The following NYAP2 variants were observed in gnomAD, a reference collection of about 807,000 sequenced individuals.
The protein encoded by NYAP2 is neuronal tyrosine-phosphorylated phosphoinositide-3-kinase adapter 2.
Under a neutral mutation model 50.4 loss-of-function variants are expected in NYAP2, and 23 were observed. That is an observed-to-expected ratio of 0.46 (90% CI 0.33 to 0.65). The LOEUF (loss-of-function observed/expected upper bound fraction) is 0.65, where lower values mean the gene tolerates loss of function less well. NYAP2 is among the 30% of genes least tolerant of loss of function. NYAP2 has a pLI of 0.02. For missense variants in NYAP2, 885 were observed against 861.0 expected, an observed-to-expected ratio of 1.03 and a Z score of -0.35; for synonymous variants, 394 against 365.2, an observed-to-expected ratio of 1.08 and a Z score of -0.90.
intron 4 of NYAP2, among the ~76,000 whole-genome samples, chr2:225,547,724 C>A (rs1205632855): frequency 6.6e-6 from 1 of 152,202 alleles, no homozygotes; most frequent in East Asian, 1.9e-4. Flanking sequence ...CACTGTCTTT[C>A]CCACCCTCTT....
At chr2:225,536,524 C>G (rs900566104) in intron 4 of NYAP2, among the ~76,000 whole-genome samples, 3 of 92,436 alleles carry the variant, frequency 3.2e-5, no homozygotes. Context: ...CTGTTGTTGC[C>G]TTGTTTTTTT....
intron 5 of NYAP2, among the ~76,000 whole-genome samples, chr2:225,622,551 TTCTTTCTTTTTC>T (rs763090480): frequency 0.11 from 4,188 of 37,948 alleles, 90 homozygotes; most frequent in African/African-American, 0.15. Flanking sequence ...CTTTCTTTCT[TTCTTTCTTTTTC>T]TTTCTTTCTT....
At chr2:225,566,562 G>A (rs1010106489) in intron 4 of NYAP2, among the ~76,000 whole-genome samples, 5 of 152,124 alleles carry the variant, frequency 3.3e-5, no homozygotes, top group South Asian at 2.1e-4. Context: ...GCTTTTATTG[G>A]GTGCTTAGCA....
At chr2:225,461,269 G>A (rs898441634) in intron 3 of NYAP2, among the ~76,000 whole-genome samples, 1 of 152,176 alleles carries the variant, frequency 6.6e-6, no homozygotes, top group Middle Eastern at 3.2e-3. Flanking sequence ...AACATATCAA[G>A]GCTTTTTCAC....
intron 3 of NYAP2, among the ~76,000 whole-genome samples, chr2:225,435,017 T>C (rs1329564669): frequency 6.6e-6 from 1 of 152,220 alleles, no homozygotes; most frequent in African/African-American, 2.4e-5. Context: ...CTGAAAAGTG[T>C]CCTGATATAT....
chr2:225,510,902 G>A (rs1311044337), intron 3 of NYAP2, among the ~76,000 whole-genome samples: 1 of 152,096 alleles, frequency 6.6e-6, no homozygotes, highest in African/African-American at 2.4e-5. Flanking sequence ...TAAATTGTCA[G>A]TCCGGGAAAA....
At chr2:225,567,578 CAAGA>C (rs1691982960) in intron 4 of NYAP2, among the ~76,000 whole-genome samples, 1 of 151,344 alleles carries the variant, frequency 6.6e-6, no homozygotes, top group African/African-American at 2.4e-5. Flanking sequence ...AGGAAGTTCA[CAAGA>C]AAGAAAGAGA....
intron 4 of NYAP2, among the ~76,000 whole-genome samples, chr2:225,561,350 G>T (rs1290359838): frequency 6.6e-6 from 1 of 151,994 alleles, no homozygotes; most frequent in South Asian, 2.1e-4. Context: ...CAGCATGCTT[G>T]GCAGTTAGGA....
chr2:225,560,140 G>C (rs1002271815), intron 4 of NYAP2, among the ~76,000 whole-genome samples: 3 of 151,896 alleles, frequency 2.0e-5, no homozygotes, highest in Non-Finnish European at 4.4e-5. Context: ...AATCCATCAA[G>C]ATACCTTTCT....
chr2:225,633,442 C>T (rs573780101), intron 6 of NYAP2, among the ~76,000 whole-genome samples: 1 of 152,264 alleles, frequency 6.6e-6, no homozygotes, highest in African/African-American at 2.4e-5. Context: ...GTATCATTAG[C>T]AAGTGAAGCA....
intron 3 of NYAP2, among the ~76,000 whole-genome samples, chr2:225,498,590 A>G (rs1465251233): frequency 1.3e-5 from 2 of 150,640 alleles, no homozygotes; most frequent in Non-Finnish European, 2.9e-5. Context: ...TTTTTAGGTC[A>G]ATGAATGCAT....
chr2:225,522,646 T>C (rs1172197336), intron 4 of NYAP2, among the ~76,000 whole-genome samples: 1 of 152,186 alleles, frequency 6.6e-6, no homozygotes, highest in African/African-American at 2.4e-5. Context: ...ATCTACCCTG[T>C]TGTACTGGGA....
chr2:225,429,945 C>G (rs147092000), intron 3 of NYAP2, among the ~76,000 whole-genome samples: 1,693 of 152,334 alleles, frequency 0.011, 18 homozygotes, highest in Non-Finnish European at 0.018. Context: ...CAGACACACA[C>G]ACAGCCTCCT....
chr2:225,566,383 C>T (rs560283772), intron 4 of NYAP2, among the ~76,000 whole-genome samples: 4 of 152,266 alleles, frequency 2.6e-5, no homozygotes, highest in Admixed American at 2.0e-4. Flanking sequence ...GGACAGACTT[C>T]CAAAGGATAA....
chr2:225,506,915 T>C (rs1351372789), intron 3 of NYAP2, among the ~76,000 whole-genome samples: 2 of 152,024 alleles, frequency 1.3e-5, no homozygotes, highest in Non-Finnish European at 2.9e-5. Flanking sequence ...AACATCTTTT[T>C]GAAAATTTAA....
At chr2:225,581,828 G>C in intron 4 of NYAP2, 113 bp from the exon 5 acceptor site, 1 of 984,180 alleles carries the variant, frequency 1.0e-6, no homozygotes, top group Non-Finnish European at 1.5e-6. Context: ...AACTAAGAAT[G>C]AAGCTGTCTA....
chr2:225,503,847 A>T (rs1690651512), intron 3 of NYAP2, among the ~76,000 whole-genome samples: 1 of 151,832 alleles, frequency 6.6e-6, no homozygotes, highest in Non-Finnish European at 1.5e-5. Context: ...ATGTCCACTG[A>T]TAATTATAGC....
At chr2:225,637,270 G>T (rs543398674) in intron 6 of NYAP2, among the ~76,000 whole-genome samples, 1 of 152,098 alleles carries the variant, frequency 6.6e-6, no homozygotes, top group African/African-American at 2.4e-5. Flanking sequence ...TGAGTTCTCC[G>T]TTATATTCAT....
chr2:225,473,530 G>A (rs565079300), intron 3 of NYAP2, among the ~76,000 whole-genome samples: 2 of 152,300 alleles, frequency 1.3e-5, no homozygotes, highest in East Asian at 3.9e-4. Context: ...ATCTCATTGT[G>A]GTTTTGATTT....
Sources: gnomAD v4.1 joint callset for allele counts (sites outside exome capture counted in the v4.1 genomes callset) on GRCh38, gnomAD v4.1.1 for gene constraint, MANE v1.5 for transcripts, NCBI Gene and HGNC (gene_info 2026-07-23, HGNC 2026-07-21) for gene names.